The following MYCT1 variants were observed in gnomAD, a reference collection of about 807,000 sequenced individuals.
MYCT1 encodes MYC target 1.
Under a neutral mutation model 15.0 loss-of-function variants are expected in MYCT1, and 12 were observed. The observed-to-expected ratio is 0.80, with a 90% confidence interval of 0.51 to 1.29. The LOEUF is 1.29. Ranked by LOEUF, MYCT1 falls within the 50% of genes most tolerant of loss-of-function variation. The pLI, the probability that MYCT1 is intolerant of heterozygous loss-of-function variation, is 0.00. For missense variants in MYCT1, 287 were observed against 279.1 expected (o/e 1.03, Z -0.20); for synonymous variants, 104 against 102.7 (o/e 1.01, Z -0.07).
chr6:152,722,761 A>G lies in MYCT1; in HGVS notation c.*508A>G. The G allele has an allele frequency of 2.4e-6, 1 of 411,728 alleles. No homozygotes were observed. The highest frequency in any genetic ancestry group is 4.8e-6 in the Non-Finnish European group (1 of 207,670). The allele number at this position is 411,728 out of a possible 1,614,324, so 25.5% of individuals were successfully genotyped here. ...TTTTTCTTTTTTTTTCTTTTGAGAC[A>G]GGGTCTTGATCCGTCGCCCAGGCGG... is the stretch of plus-strand genomic sequence containing the variant. On this transcript the variant is annotated 3_prime_UTR_variant, in exon 2 of 2. Coordinates refer to ENST00000367245, the MANE Select transcript of MYCT1 (RefSeq NM_025107.3).
intron 1 of MYCT1, among the ~76,000 whole-genome samples, chr6:152,713,672 A>G (rs1351226718): frequency 2.0e-5 from 3 of 152,088 alleles, no homozygotes; most frequent in Non-Finnish European, 2.9e-5. Flanking sequence ...CATCCCACGT[A>G]TGTGTGATTC....
the MYCT1 span, among the ~76,000 whole-genome samples, chr6:152,735,182 G>A: frequency 5.3e-5 from 8 of 152,308 alleles, no homozygotes; most frequent in South Asian, 1.4e-3. Flanking sequence ...GGCAGGTAGA[G>A]AGGAGGCTCA....
chr6:152,707,414 C>T (rs2099722478), intron 1 of MYCT1, among the ~76,000 whole-genome samples: 1 of 152,068 alleles, frequency 6.6e-6, no homozygotes, highest in Non-Finnish European at 1.5e-5. Context: ...AACTTCTCAT[C>T]AGATATACGG....
Position 152,708,759 on chromosome 6 carries a change from A to G in MYCT1, c.196+10661A>G, listed in dbSNP as rs538963658. Among the ~76,000 whole-genome samples, 606 of 152,188 alleles carry G rather than the reference A, an allele frequency of 4.0e-3. 2 individuals carry two copies. The highest frequency in any genetic ancestry group is 6.8e-3 in the Middle Eastern group (2 of 292). ...TTTCTTCTTAAAGATCCCAGTTTTCATTATCCCCAGACTAAGGATTTTCTT... is the reference window on the plus strand; with the variant it reads ...TTTCTTCTTAAAGATCCCAGTTTTCGTTATCCCCAGACTAAGGATTTTCTT... On this transcript the variant is annotated intron_variant, in intron 1 of 1. Coordinates refer to ENST00000367245, the MANE Select transcript of MYCT1 (RefSeq NM_025107.3).
chr6:152,704,024 G>T (rs1273710283), intron 1 of MYCT1, among the ~76,000 whole-genome samples: 9 of 143,472 alleles, frequency 6.3e-5, no homozygotes, highest in African/African-American at 1.6e-4. Context: ...TTGAGACAGG[G>T]TCTCACTCTG....
intron 1 of MYCT1, among the ~76,000 whole-genome samples, chr6:152,713,882 A>C (rs1169402680): frequency 6.6e-6 from 1 of 152,088 alleles, no homozygotes; most frequent in Non-Finnish European, 1.5e-5. Context: ...AGCTTCCCTC[A>C]GGTTAAAAGG....
intron 1 of MYCT1, among the ~76,000 whole-genome samples, chr6:152,701,196 C>T (rs1178607434): frequency 6.6e-6 from 1 of 151,982 alleles, no homozygotes; most frequent in Admixed American, 6.6e-5. Flanking sequence ...TTTCCCTCAC[C>T]AACTCATTCT....
At chr6:152,726,361 A>C (rs9371633), downstream of MYCT1, among the ~76,000 whole-genome samples, 80,527 of 150,258 alleles carry the variant, frequency 0.54, 23,969 homozygotes, top group Non-Finnish European at 0.66. Context: ...TGTGCAATTG[A>C]ATTCCAGCTT....
chr6:152,733,873 C>T, the MYCT1 span, among the ~76,000 whole-genome samples: 1 of 152,052 alleles, frequency 6.6e-6, no homozygotes, highest in Non-Finnish European at 1.5e-5. Context: ...GAGTACTGAA[C>T]AAGTTGCTTT....
chr6:152,704,479 A>C lies in MYCT1; in HGVS notation c.196+6381A>C, dbSNP rs189417763. Reference sequence around the variant, plus strand: ...TTTTATTTTTTAAACAATTTTTATCACATAATTGTACATACTTATGGGGTA... The same window carrying C: ...TTTTATTTTTTAAACAATTTTTATCCCATAATTGTACATACTTATGGGGTA... On this transcript the variant is annotated intron_variant, in intron 1 of 1. Coordinates refer to ENST00000367245, the MANE Select transcript of MYCT1 (RefSeq NM_025107.3). 7.9e-5 allele frequency among the ~76,000 whole-genome samples: 12 copies of C among 152,262 alleles called. No homozygotes were observed. In the East Asian group the frequency reaches 2.3e-3, roughly 29 times the overall value.
At chr6:152,725,943 A>T (rs542671700), downstream of MYCT1, among the ~76,000 whole-genome samples, 78 of 152,326 alleles carry the variant, frequency 5.1e-4, no homozygotes, top group Non-Finnish European at 9.3e-4. Flanking sequence ...GAATGGGAGA[A>T]CTGCCACTGA....
chr6:152,715,203 TCAAA>T (rs1044597654), intron 1 of MYCT1, among the ~76,000 whole-genome samples: 3 of 152,316 alleles, frequency 2.0e-5, no homozygotes, highest in African/African-American at 4.8e-5. Flanking sequence ...TCTGATGGCT[TCAAA>T]CAAATTTAAG....
In MYCT1 at chr6:152,716,261, A is replaced by C. The variant is rs185002811; in HGVS notation, c.197-5481A>C. ...CTCGGCTGTTTAAATTATTATAATC[A>C]ATCAAATTTCTATGCCCTAAATATT... On this transcript the variant is annotated intron_variant, in intron 1 of 1. Coordinates refer to ENST00000367245, the MANE Select transcript of MYCT1 (RefSeq NM_025107.3). 3.4e-3 allele frequency among the ~76,000 whole-genome samples: 524 copies of C among 152,290 alleles called. 5 individuals are homozygous for C. The highest frequency in any genetic ancestry group is 0.012 in the African/African-American group (496 of 41,572).
intron 1 of MYCT1, among the ~76,000 whole-genome samples, chr6:152,718,208 AC>A (rs1303036313): frequency 6.6e-6 from 1 of 152,144 alleles, no homozygotes; most frequent in Non-Finnish European, 1.5e-5. Context: ...TAGTTCCCAA[AC>A]TGAAACTTGT....
In MYCT1 at chr6:152,722,462, C is replaced by T. The variant is rs957238391; in HGVS notation, c.*209C>T. On this transcript the variant is annotated 3_prime_UTR_variant, in exon 2 of 2. Transcript: ENST00000367245. Reference sequence around the variant, plus strand: ...TTGTTTCAAAAAATGTAATATTTTCCCCCAAGCGTTTTATATTTATGTATT... The same window carrying T: ...TTGTTTCAAAAAATGTAATATTTTCTCCCAAGCGTTTTATATTTATGTATT... 9.5e-6 allele frequency: 5 copies of T among 526,970 alleles called. No individual in the cohort carries two copies. Among genetic ancestry groups the T allele is most frequent in the Non-Finnish European group, 1.6e-5 (5 of 306,856 alleles). 32.6% of individuals were successfully genotyped at this position (526,970 alleles called of 1,614,324 possible). A position where few individuals can be genotyped will look rare whatever the true frequency, so the allele number is the denominator to read the frequency against.
At chr6:152,714,742 G>A (rs9371632) in intron 1 of MYCT1, among the ~76,000 whole-genome samples, 14,922 of 150,812 alleles carry the variant, frequency 0.099, 1,336 homozygotes, top group African/African-American at 0.23. Context: ...TTTAGTTTTT[G>A]TTTACTTTGT....
chr6:152,717,052 T>A (rs969439168), intron 1 of MYCT1, among the ~76,000 whole-genome samples: 2 of 152,200 alleles, frequency 1.3e-5, no homozygotes, highest in Admixed American at 1.3e-4. Context: ...GTCAAAAGTC[T>A]GCCAGAATGG....
downstream of MYCT1, among the ~76,000 whole-genome samples, chr6:152,728,443 T>C (rs942808056): frequency 1.3e-5 from 2 of 152,066 alleles, no homozygotes; most frequent in Admixed American, 1.3e-4. Context: ...GACAAGGAGT[T>C]AATCCTTTTA....
In MYCT1 at chr6:152,721,845, T is replaced by G. The variant is rs2099724761; in HGVS notation, c.300T>G (p.Ser100Arg). 6.2e-7 allele frequency: 1 copy of G among 1,614,010 alleles called. No homozygotes were observed. Among genetic ancestry groups the G allele is most frequent in the African/African-American group, 1.3e-5 (1 of 74,904 alleles). The part of the protein sequence containing the change: ...FICLSRRRRA[S>R]APISQWSSSR... ...GTCTGTCTCGAAGAAGAAGAGCCAG[T>G]GCTCCCATCTCACAGTGGAGTTCAA... Residue 100 changes from serine to arginine, a missense_variant, in exon 2 of 2, where the codon AGT becomes AGG. Ser to Arg is a moderately radical substitution (Grantham distance 110). Coordinates refer to ENST00000367245, the MANE Select transcript of MYCT1 (RefSeq NM_025107.3).
Sources: gnomAD v4.1 joint callset for allele counts (sites outside exome capture counted in the v4.1 genomes callset) on GRCh38, gnomAD v4.1.1 for gene constraint, MANE v1.5 for transcripts, NCBI Gene and HGNC (gene_info 2026-07-23, HGNC 2026-07-21) for gene names.